Variants in COL19A1 observed in about 807,000 individuals in gnomAD.
The protein encoded by COL19A1 is collagen alpha-1(XIX) chain.
A neutral mutation model predicts 190.2 loss-of-function variants in COL19A1; 159 were observed. The ratio of observed to expected loss-of-function variants is 0.84; its 90% CI spans 0.73 to 0.95. The LOEUF (loss-of-function observed/expected upper bound fraction) is 0.95, where lower values mean the gene tolerates loss of function less well. Among genes scored for constraint, COL19A1 ranks in the 40% least tolerant of loss-of-function variants. The probability of loss-of-function intolerance (pLI) is 0.00; values close to 1 mark genes in which losing one functional copy is unlikely to be tolerated. For synonymous variants in COL19A1, 509 were observed against 458.9 expected, an observed-to-expected ratio of 1.11 and a Z score of -1.39; for missense variants, 1,418 against 1,431.9, an observed-to-expected ratio of 0.99 and a Z score of 0.16.
Position 69,941,900 on chromosome 6 carries a change from G to A in COL19A1, c.936+3800G>A, listed in dbSNP as rs560370487. On this transcript the variant is annotated intron_variant, in intron 9 of 50. Coordinates refer to ENST00000620364, the MANE Select transcript of COL19A1 (RefSeq NM_001858.6). The stretch of plus-strand genomic sequence containing the variant: ...AGATGGGGTTTCACCATGTTGACCA[G>A]GCTGGTCTCGAACTCCTGACCTCAG... Among the ~76,000 whole-genome samples the A allele has an allele frequency of 3.3e-5, 5 of 152,156 alleles. No homozygotes were observed. In the South Asian group the frequency reaches 6.2e-4, roughly 19 times the overall value.
chr6:69,921,436 CATATATATCAT>C (rs1561998237), intron 4 of COL19A1, among the ~76,000 whole-genome samples: 2 of 121,324 alleles, frequency 1.6e-5, no homozygotes, highest in African/African-American at 7.4e-5. Context: ...TCATATATAT[CATATATATCAT>C]ATATCATATA....
In COL19A1 at chr6:70,042,339, A is replaced by ATT. The variant is rs543477365; in HGVS notation, c.1170+6407_1170+6408dup. Reference sequence around the variant, plus strand: ...ACCACTGCAATAAAGCAAGTCACCAATTTTTTTTGCTTTTCCAATGTATAT... The same window carrying ATT: ...ACCACTGCAATAAAGCAAGTCACCAATTTTTTTTTTGCTTTTCCAATGTATAT... On this transcript the variant is annotated intron_variant, in intron 14 of 50. Transcript: ENST00000620364. 2.1e-3 allele frequency among the ~76,000 whole-genome samples: 320 copies of ATT among 152,000 alleles called. 1 individual carries two copies. The highest frequency in any genetic ancestry group is 7.5e-3 in the African/African-American group (310 of 41,452).
intron 4 of COL19A1, among the ~76,000 whole-genome samples, chr6:69,902,412 G>T (rs1396701494): frequency 3.9e-5 from 6 of 152,136 alleles, no homozygotes; most frequent in African/African-American, 1.4e-4. Flanking sequence ...ATGTTGGTCT[G>T]ATACCTGTTA....
chr6:69,951,250 A>G (rs1774107916), intron 9 of COL19A1, among the ~76,000 whole-genome samples: 1 of 151,940 alleles, frequency 6.6e-6, no homozygotes, highest in Non-Finnish European at 1.5e-5. Context: ...GTCTCTCTAA[A>G]TGTCAGTTTT....
intron 11 of COL19A1, among the ~76,000 whole-genome samples, chr6:70,020,465 T>A (rs1778355462): frequency 6.6e-6 from 1 of 152,124 alleles, no homozygotes; most frequent in Non-Finnish European, 1.5e-5. Context: ...TATTTTTAAG[T>A]TGGTTTTCTA....
At chr6:70,184,577 C>A in intron 44 of COL19A1, 126 bp from the exon 45 acceptor site, 1 of 746,486 alleles carries the variant, frequency 1.3e-6, no homozygotes. Flanking sequence ...TTCCATTTTA[C>A]CACCTTTCTT....
At chr6:70,153,077 C>T (rs976000743) in intron 31 of COL19A1, among the ~76,000 whole-genome samples, 2 of 152,062 alleles carry the variant, frequency 1.3e-5, no homozygotes, top group African/African-American at 4.8e-5. Flanking sequence ...ACGAGCAGGA[C>T]ATCTTGACTG....
intron 49 of COL19A1, among the ~76,000 whole-genome samples, chr6:70,204,814 A>T (rs982688351): frequency 1.3e-5 from 2 of 152,194 alleles, no homozygotes; most frequent in Non-Finnish European, 2.9e-5. Flanking sequence ...GATCAACTTT[A>T]TAACTTTTCT....
rs774743282 is a variant in COL19A1 at position 70,100,286 on chromosome 6, A to AT, written c.1225-1881dup. On this transcript the variant is annotated intron_variant, in intron 15 of 50. Coordinates refer to ENST00000620364, the MANE Select transcript of COL19A1 (RefSeq NM_001858.6). ...CCACTTTCTAAGTAAACTTTTTATCATTGATTAGTCCTCAGAGGCGAATTT... is the reference window on the plus strand; with the variant it reads ...CCACTTTCTAAGTAAACTTTTTATCATTTGATTAGTCCTCAGAGGCGAATTT... 4.6e-5 allele frequency among the ~76,000 whole-genome samples: 7 copies of AT among 152,134 alleles called. No homozygotes were observed. In the East Asian group the frequency reaches 9.6e-4, roughly 21 times the overall value.
chr6:69,921,411 CATATATCAT>C (rs1554166223), intron 4 of COL19A1, among the ~76,000 whole-genome samples: 1,189 of 81,412 alleles, frequency 0.015, 153 homozygotes, highest in African/African-American at 0.074. Context: ...TCATATATAT[CATATATCAT>C]ATATATCATA....
Position 70,059,927 on chromosome 6 carries a change from GA to G in COL19A1, c.1171-8488del, listed in dbSNP as rs542286571. ...TTCATCAGCAAATTAAATTGAAGAA[GA>G]AAAAAAATCCACAGGCTATGCAAAT... On this transcript the variant is annotated intron_variant, in intron 14 of 50. Coordinates refer to ENST00000620364, the MANE Select transcript of COL19A1 (RefSeq NM_001858.6). 47 of 325,786 alleles carry G rather than the reference GA, an allele frequency of 1.4e-4. 1 individual carries two copies. Among genetic ancestry groups the G allele is most frequent in the South Asian group, 4.9e-4 (19 of 39,146 alleles). The allele number at this position is 325,786 out of a possible 1,614,324, so 20.2% of individuals were successfully genotyped here. A position where few individuals can be genotyped will look rare whatever the true frequency, so the allele number is the denominator to read the frequency against.
intron 42 of COL19A1, among the ~76,000 whole-genome samples, chr6:70,177,974 T>A (rs1000680396): frequency 1.3e-5 from 2 of 152,172 alleles, no homozygotes; most frequent in Non-Finnish European, 2.9e-5. Context: ...AAATGAGAAA[T>A]TCCAAATATG....
At chr6:70,169,343 C>A (rs1420346528) in intron 40 of COL19A1, among the ~76,000 whole-genome samples, 1 of 152,076 alleles carries the variant, frequency 6.6e-6, no homozygotes, top group African/African-American at 2.4e-5. Context: ...TCAAGCATAT[C>A]CTTCATGTTT....
At chr6:69,985,995 A>C (rs967888069) in intron 11 of COL19A1, among the ~76,000 whole-genome samples, 3 of 151,968 alleles carry the variant, frequency 2.0e-5, no homozygotes, top group African/African-American at 7.2e-5. Context: ...GTCATATTCT[A>C]CTTAAGGAGC....
chr6:70,149,331 G>C (rs1201898672), intron 27 of COL19A1, among the ~76,000 whole-genome samples: 1 of 152,102 alleles, frequency 6.6e-6, no homozygotes, highest in Non-Finnish European at 1.5e-5. Flanking sequence ...TATTCCAAGA[G>C]ATAAATGACT....
intron 15 of COL19A1, among the ~76,000 whole-genome samples, chr6:70,070,223 C>G (rs1285160639): frequency 6.6e-6 from 1 of 151,946 alleles, no homozygotes; most frequent in East Asian, 1.9e-4. Flanking sequence ...TAAAATTGTA[C>G]CCTATCAAAG....
intron 41 of COL19A1, among the ~76,000 whole-genome samples, chr6:70,173,958 G>A (rs1765653890): frequency 6.6e-6 from 1 of 152,064 alleles, no homozygotes; most frequent in African/African-American, 2.4e-5. Context: ...TAGAGGGAAG[G>A]GGACCTAGTG....
chr6:69,994,502 G>T (rs192567291), intron 11 of COL19A1, among the ~76,000 whole-genome samples: 2 of 152,218 alleles, frequency 1.3e-5, no homozygotes, highest in Admixed American at 1.3e-4. Flanking sequence ...GGATTCCCAG[G>T]CAACAGCTGT....
intron 12 of COL19A1, among the ~76,000 whole-genome samples, chr6:70,025,011 G>T (rs981305684): frequency 6.6e-6 from 1 of 151,722 alleles, no homozygotes; most frequent in Non-Finnish European, 1.5e-5. Flanking sequence ...AAAAGTGATG[G>T]ACTTGGGATA....
Sources: allele counts gnomAD v4.1 joint callset (sites outside exome capture counted in the v4.1 genomes callset), GRCh38; gene constraint gnomAD v4.1.1; transcripts MANE v1.5; gene names NCBI Gene and HGNC (gene_info 2026-07-23, HGNC 2026-07-21).